PDE4D: variants seen among roughly 807,000 people sequenced by gnomAD.
PDE4D encodes the protein phosphodiesterase 4D.
A neutral mutation model predicts 87.4 loss-of-function variants in PDE4D; 24 were observed. The observed-to-expected ratio is 0.27, with a 90% CI of 0.20 to 0.39. PDE4D has a LOEUF of 0.39. Among genes scored for constraint, PDE4D ranks in the 10% least tolerant of loss-of-function variants. PDE4D has a pLI of 1.00. For missense variants in PDE4D, 714 were observed against 1,041.0 expected, an observed-to-expected ratio of 0.69 and a Z score of 4.32; for synonymous variants, 384 against 383.2, an observed-to-expected ratio of 1.00 and a Z score of -0.02.
rs201461126 is a variant in PDE4D, at chr5:59,883,925, C to CT, written c.455+9242dup. Among the ~76,000 whole-genome samples, 12 of 151,926 alleles carry CT rather than the reference C, an allele frequency of 7.9e-5. No homozygotes were observed. In the East Asian group the frequency reaches 1.4e-3, roughly 17 times the overall value. ...TTTTTTTATGAAACGCAATCCTTTG[C>CT]TTTTTTTGGGGGGGTAAGAAACAAG... On this transcript the variant is annotated intron_variant, in intron 1 of 14. Transcript: ENST00000340635.
At chr5:60,150,069 G>GACTAGTATATAAT (rs1352901580) in intron 2 of PDE4D, among the ~76,000 whole-genome samples, 1 of 145,964 alleles carries the variant, frequency 6.9e-6, no homozygotes, top group African/African-American at 2.5e-5. Context: ...TAGTATATAT[G>GACTAGTATATAAT]ACTAGTATAT....
chr5:59,904,076 C>G (rs867205143), intron 3 of PDE4D, among the ~76,000 whole-genome samples: 1 of 152,094 alleles, frequency 6.6e-6, no homozygotes, highest in Non-Finnish European at 1.5e-5. Flanking sequence ...ATTTCATGCA[C>G]TCAAGAATTT....
At chr5:59,332,408 C>T (rs1036068873) in intron 1 of PDE4D, among the ~76,000 whole-genome samples, 2 of 152,066 alleles carry the variant, frequency 1.3e-5, no homozygotes, top group African/African-American at 4.8e-5. Flanking sequence ...GAGTGACATG[C>T]TTGCCTAATG....
chr5:60,456,939 G>A (rs995661743), intron 1 of PDE4D, among the ~76,000 whole-genome samples: 2 of 151,950 alleles, frequency 1.3e-5, no homozygotes, highest in Non-Finnish European at 2.9e-5. Context: ...ATCTGGTCAC[G>A]GTCAACTAAC....
chr5:59,055,916 A>G (rs894376345), intron 5 of PDE4D, among the ~76,000 whole-genome samples: 2 of 152,306 alleles, frequency 1.3e-5, no homozygotes, highest in Non-Finnish European at 2.9e-5. Context: ...TCAACTTCCA[A>G]AGCTTAGTTC....
chr5:60,270,384 T>C (rs1347514693), intron 1 of PDE4D, among the ~76,000 whole-genome samples: 1 of 152,232 alleles, frequency 6.6e-6, no homozygotes, highest in East Asian at 1.9e-4. Flanking sequence ...TAGTTATTAA[T>C]AATGATATCT....
chr5:60,155,806 TCCAAGAA>T (rs1781920692), intron 2 of PDE4D, among the ~76,000 whole-genome samples: 3 of 111,858 alleles, frequency 2.7e-5, no homozygotes, highest in Non-Finnish European at 6.1e-5. Context: ...TAAAAAACAG[TCCAAGAA>T]TTAAGGTGTG....
chr5:59,501,798 C>T (rs1024744436), intron 1 of PDE4D, among the ~76,000 whole-genome samples: 19 of 152,044 alleles, frequency 1.2e-4, no homozygotes, highest in African/African-American at 4.6e-4. Context: ...AACAGGGAAG[C>T]GATGTGCATT....
chr5:59,395,745 G>C (rs533401762), intron 1 of PDE4D, among the ~76,000 whole-genome samples: 11 of 131,222 alleles, frequency 8.4e-5, no homozygotes, highest in African/African-American at 2.7e-4. Context: ...TGACTTTGAC[G>C]AGCTGAGAGA....
At chr5:60,139,028 A>G (rs984168699) in intron 2 of PDE4D, among the ~76,000 whole-genome samples, 13 of 152,054 alleles carry the variant, frequency 8.5e-5, no homozygotes, top group African/African-American at 3.1e-4. Flanking sequence ...CCATCCTGGT[A>G]CAACTCTGCT....
At chr5:59,171,626 A>T (rs888849465) in intron 5 of PDE4D, among the ~76,000 whole-genome samples, 1 of 151,642 alleles carries the variant, frequency 6.6e-6, no homozygotes, top group East Asian at 1.9e-4. Context: ...ATGGACAGGC[A>T]TTCCATGCTT....
At chr5:60,368,557 G>T (rs146030985) in intron 1 of PDE4D, among the ~76,000 whole-genome samples, 1 of 152,116 alleles carries the variant, frequency 6.6e-6, no homozygotes, top group Non-Finnish European at 1.5e-5. Flanking sequence ...TTCATTTTCC[G>T]TGAGGGCCAG....
chr5:59,293,419 A>G (rs927468498), intron 1 of PDE4D, among the ~76,000 whole-genome samples: 1 of 152,144 alleles, frequency 6.6e-6, no homozygotes, highest in Non-Finnish European at 1.5e-5. Context: ...TGTAGTTTTG[A>G]ACAGGGTTAG....
chr5:60,241,544 G>A (rs867668307), intron 1 of PDE4D, among the ~76,000 whole-genome samples: 1 of 152,024 alleles, frequency 6.6e-6, no homozygotes, highest in Non-Finnish European at 1.5e-5. Context: ...AAAGTGCTGT[G>A]CCCAGCTGGA....
At chr5:59,403,993 A>T (rs1363086459) in intron 1 of PDE4D, among the ~76,000 whole-genome samples, 1 of 152,188 alleles carries the variant, frequency 6.6e-6, no homozygotes, top group Non-Finnish European at 1.5e-5. Flanking sequence ...GATAAAAGCC[A>T]TTTTAACTGG....
intron 1 of PDE4D, among the ~76,000 whole-genome samples, chr5:59,346,162 T>G (rs1039847141): frequency 3.7e-4 from 57 of 152,202 alleles, no homozygotes; most frequent in Non-Finnish European, 8.8e-5. Flanking sequence ...TCTATGCTAT[T>G]GGAAGTCAGT....
intron 3 of PDE4D, among the ~76,000 whole-genome samples, chr5:59,961,302 T>TAAA (rs34174642): frequency 5.1e-4 from 70 of 136,080 alleles, no homozygotes; most frequent in African/African-American, 1.9e-3. Context: ...AGACCCAGAT[T>TAAA]AAAAAAAAAA....
intron 5 of PDE4D, among the ~76,000 whole-genome samples, chr5:59,083,215 G>A (rs1401467560): frequency 6.6e-6 from 1 of 152,006 alleles, no homozygotes; most frequent in Non-Finnish European, 1.5e-5. Flanking sequence ...TCTTGCTGAT[G>A]AGAAGTTTGA....
intron 6 of PDE4D, 91 bp downstream of exon 6, chr5:59,038,768 A>T: frequency 1.6e-6 from 2 of 1,251,590 alleles, no homozygotes; most frequent in Non-Finnish European, 1.1e-6. Context: ...AAAACCTCTC[A>T]ATTTATTTCC....
Sources: allele counts gnomAD v4.1 joint callset (sites outside exome capture counted in the v4.1 genomes callset), GRCh38; gene constraint gnomAD v4.1.1; transcripts MANE v1.5; gene names NCBI Gene and HGNC (gene_info 2026-07-23, HGNC 2026-07-21).